Variants in MANSC4 observed in about 807,000 individuals in gnomAD.
The protein encoded by MANSC4 is MANSC domain containing 4, also known as MANSC domain-containing protein 4.
Under a neutral mutation model 11.4 loss-of-function variants are expected in MANSC4, and 11 were observed. That is an observed-to-expected ratio of 0.97 (90% CI 0.61 to 1.60). The LOEUF (loss-of-function observed/expected upper bound fraction) is 1.60. MANSC4 is among the 40% of genes most tolerant of loss of function. The pLI is 0.00. For synonymous variants in MANSC4, 123 were observed against 147.1 expected (o/e 0.84, Z 1.19); for missense variants, 354 against 404.6 (o/e 0.88, Z 1.07).
intron 1 of MANSC4, among the ~76,000 whole-genome samples, chr12:27,775,163 C>G (rs2062115061): frequency 6.6e-6 from 1 of 152,142 alleles, no homozygotes; most frequent in Admixed American, 6.5e-5. Flanking sequence ...TTATCTCTCT[C>G]CTGATTTTTT....
chr12:27,773,550 G>T (rs1214971944), intron 1 of MANSC4, among the ~76,000 whole-genome samples: 3 of 152,154 alleles, frequency 2.0e-5, no homozygotes, highest in African/African-American at 7.2e-5. Flanking sequence ...TTTCCAATAG[G>T]GTGCTCTTGC....
At chr12:27,778,764 C>T (rs117344000) in intron 1 of MANSC4, among the ~76,000 whole-genome samples, 4 of 152,316 alleles carry the variant, frequency 2.6e-5, no homozygotes, top group Non-Finnish European at 5.9e-5. Context: ...TTTCTCCCCC[C>T]ACCCCCTTCC....
At position 27,763,114 on chromosome 12, in the gene MANSC4, T is replaced by C. The variant is rs1357647892; in HGVS notation, c.647A>G (p.Lys216Arg). Residue 216 changes from lysine (K) to arginine (R), a missense_variant, in exon 4 of 4, where the codon AAG (lysine) becomes AGG (arginine). Coordinates refer to ENST00000381273, the MANE Select transcript of MANSC4 (RefSeq NM_001146221.5). ...GATGAAATCAGTACTTGGTGACACCTTATTTATCTTTGTGGTAATGGACTC... is the reference window on the plus strand; with the variant it reads ...GATGAAATCAGTACTTGGTGACACCCTATTTATCTTTGTGGTAATGGACTC... ...LNESITTKIN[K>R]VSPSTDFISN... is the part of the protein sequence containing the mutation. 1.3e-6 allele frequency: 2 copies of C among 1,551,632 alleles called. No individual in the cohort carries two copies. Among genetic ancestry groups the C allele is most frequent in the African/African-American group, 2.7e-5 (2 of 73,056 alleles).
Position 27,763,046 on chromosome 12 carries a change from T to C in MANSC4, c.715A>G (p.Ile239Val). 6.4e-7 allele frequency: 1 copy of C among 1,551,726 alleles called. No individual in the cohort carries two copies. The highest frequency in any genetic ancestry group is 8.7e-7 in the Non-Finnish European group (1 of 1,147,006). Residue 239 changes from isoleucine (I) to valine (V), a missense_variant, in exon 4 of 4, where the codon ATA becomes GTA. By Grantham distance (29) the Ile-to-Val change is conservative. Coordinates refer to ENST00000381273, the MANE Select transcript of MANSC4 (RefSeq NM_001146221.5). ...GGCATATGAGAAAGTTTTGTGTCTATGGGTTCAAAGAAAGGAGAAATAGTC... is the reference window on the plus strand; with the variant it reads ...GGCATATGAGAAAGTTTTGTGTCTACGGGTTCAAAGAAAGGAGAAATAGTC... ...NKTISPFFEP[I>V]DTKLSHMPVP... is the part of the protein sequence containing the mutation.
intron 1 of MANSC4, among the ~76,000 whole-genome samples, chr12:27,774,133 G>A (rs865951146): frequency 4.0e-5 from 6 of 151,886 alleles, no homozygotes; most frequent in African/African-American, 1.2e-4. Flanking sequence ...GGGAGACACA[G>A]CAAGGCTCTG....
intron 3 of MANSC4, among the ~76,000 whole-genome samples, chr12:27,765,230 T>A (rs752570677): frequency 6.6e-6 from 1 of 152,218 alleles, no homozygotes; most frequent in Non-Finnish European, 1.5e-5. Context: ...CTGGTAATTA[T>A]CCCTTCTCTT....
rs2062053455 is a variant in MANSC4, at chr12:27,762,881, A to G, written c.880T>C (p.Ser294Pro). 10 of 1,552,064 alleles carry G rather than the reference A, an allele frequency of 6.4e-6. No homozygotes were observed. The East Asian group carries it at 7.3e-5, about 11-fold the overall frequency. Residue 294 changes from serine (S) to proline (P), a missense_variant, in exon 4 of 4, where the codon TCT (serine) becomes CCT (proline). Physicochemically the swap from Ser to Pro is moderately conservative, Grantham distance 74. Transcript: ENST00000381273. ...ATACAACAGCCGAGAAAGATGACAG[A>G]GGTGCAAAGGGCCACAGAAACCAGC... ...TWLVSVALCTSVIFLGCCIVI... is the reference protein window; with the variant it reads ...TWLVSVALCTPVIFLGCCIVI...
intron 1 of MANSC4, among the ~76,000 whole-genome samples, chr12:27,771,932 A>G (rs536719231): frequency 6.6e-6 from 1 of 152,034 alleles, no homozygotes; most frequent in East Asian, 1.9e-4. Context: ...TAATCTCAAC[A>G]CTTTGGGAGG....
intron 2 of MANSC4, among the ~76,000 whole-genome samples, chr12:27,768,109 T>G (rs572824522): frequency 6.6e-6 from 1 of 152,128 alleles, no homozygotes; most frequent in Non-Finnish European, 1.5e-5. Flanking sequence ...TTTTAAAACA[T>G]GTTCTCTGGC....
At chr12:27,778,349 G>A (rs961734177) in intron 1 of MANSC4, among the ~76,000 whole-genome samples, 1 of 151,640 alleles carries the variant, frequency 6.6e-6, no homozygotes, top group Non-Finnish European at 1.5e-5. Context: ...GATAAATTTC[G>A]TAGTAAGAAC....
chr12:27,772,953 G>T (rs551833224), intron 1 of MANSC4, among the ~76,000 whole-genome samples: 1 of 152,130 alleles, frequency 6.6e-6, no homozygotes, highest in Non-Finnish European at 1.5e-5. Flanking sequence ...TGAAGTTCTC[G>T]TATTCCTTTC....
At chr12:27,775,545 C>A (rs75011025) in intron 1 of MANSC4, among the ~76,000 whole-genome samples, 2,903 of 152,168 alleles carry the variant, frequency 0.019, 85 homozygotes, top group African/African-American at 0.065. Context: ...ACTAAACAAA[C>A]CAATGGTCTA....
In MANSC4 at chr12:27,770,905, C is replaced by T. The variant is rs1329232165; in HGVS notation, c.229+143G>A. ...AAATCAGTTTCACTGGCTCTCTTAC[C>T]TCTCCCTCTCTCTCCCACACCCTAG... is the stretch of plus-strand genomic sequence containing the variant. On this transcript the variant is annotated intron_variant, in intron 2 of 3. Coordinates refer to ENST00000381273, the MANE Select transcript of MANSC4 (RefSeq NM_001146221.5). 1.7e-5 allele frequency: 10 copies of T among 605,966 alleles called. No homozygotes were observed. The Admixed American group carries it at 3.1e-4, about 19-fold the overall frequency. 37.5% of individuals were successfully genotyped at this position (605,966 alleles called of 1,614,324 possible). A position where few individuals can be genotyped will look rare whatever the true frequency, so the allele number is the denominator to read the frequency against.
chr12:27,774,483 G>T (rs943782570), intron 1 of MANSC4, among the ~76,000 whole-genome samples: 1 of 146,550 alleles, frequency 6.8e-6, no homozygotes, highest in African/African-American at 2.4e-5. Context: ...AAATCATATA[G>T]AAAAATACAA....
chr12:27,768,640 CTTT>C (rs59045898), intron 2 of MANSC4, among the ~76,000 whole-genome samples: 104,085 of 127,922 alleles, frequency 0.81, 42,787 homozygotes, highest in African/African-American at 0.94. Context: ...AAGGTACCGA[CTTT>C]TTTTTTTTTT....
chr12:27,779,051 T>C (rs2062131930), intron 1 of MANSC4, among the ~76,000 whole-genome samples: 1 of 152,190 alleles, frequency 6.6e-6, no homozygotes, highest in Non-Finnish European at 1.5e-5. Context: ...GTATTTTTAG[T>C]AGAGACGGGG....
chr12:27,763,227 C>G lies in MANSC4; in HGVS notation c.534G>C (p.Thr178=), dbSNP rs983470175. 7.7e-6 allele frequency: 12 copies of G among 1,551,484 alleles called. No homozygotes were observed. Among genetic ancestry groups the G allele is most frequent in the East Asian group, 2.4e-5 (1 of 40,932 alleles). The change falls in exon 4 of 4, where the codon ACG becomes ACC. Residue 178 remains threonine (T), a synonymous_variant. Coordinates refer to ENST00000381273, the MANE Select transcript of MANSC4 (RefSeq NM_001146221.5). The stretch of plus-strand genomic sequence containing the variant: ...TTGTGTTTACAACCAAATCTTGATG[C>G]GTGGTTGAGGATGGAGCCTCTGTGG... ...LPSTEAPSST[T]HQDLVVNTNS...
At chr12:27,779,263 T>C (rs1358863560) in intron 1 of MANSC4, among the ~76,000 whole-genome samples, 3 of 152,312 alleles carry the variant, frequency 2.0e-5, no homozygotes, top group East Asian at 1.9e-4. Flanking sequence ...TTGCAGACAT[T>C]TATGAGCCAA....
chr12:27,769,579 C>G (rs1430301663), intron 2 of MANSC4, among the ~76,000 whole-genome samples: 1 of 152,208 alleles, frequency 6.6e-6, no homozygotes, highest in African/African-American at 2.4e-5. Context: ...CCGCTATCTC[C>G]CCTCAGTGAG....
Sources: gnomAD v4.1 joint callset for allele counts (sites outside exome capture counted in the v4.1 genomes callset) on GRCh38, gnomAD v4.1.1 for gene constraint, MANE v1.5 for transcripts, NCBI Gene and HGNC (gene_info 2026-07-23, HGNC 2026-07-21) for gene names.